The following ZNF469 variants were observed in gnomAD, a reference collection of about 807,000 sequenced individuals.
ZNF469 encodes the protein zinc finger protein 469.
A neutral mutation model predicts 1.0 loss-of-function variants in ZNF469; 1 was observed. The observed-to-expected ratio is 1.00, with a 90% confidence interval of 0.35 to 4.73. ZNF469 has a LOEUF of 4.73. Among genes scored for constraint, ZNF469 ranks in the 30% most tolerant of loss-of-function variants. ZNF469 has a pLI of 0.16. For missense variants in ZNF469, 6,100 were observed against 5,356.3 expected (o/e 1.14, Z -4.33); for synonymous variants, 2,703 against 2,363.4 (o/e 1.14, Z -4.17).
chr16:88,112,200 G>A, the ZNF469 span, among the ~76,000 whole-genome samples: 2 of 152,218 alleles, frequency 1.3e-5, no homozygotes, highest in South Asian at 4.1e-4. Context: ...CACTTCGGGA[G>A]GCTGAGGTGG....
chr16:88,189,136 T>G, the ZNF469 span, among the ~76,000 whole-genome samples: 1 of 152,162 alleles, frequency 6.6e-6, no homozygotes, highest in African/African-American at 2.4e-5. The surrounding 1 kb of genome is among the most constrained non-coding windows in gnomAD (Gnocchi z 4.3). Flanking sequence ...GAAGTGTAGC[T>G]CCTAACAGTC....
At chr16:88,375,448 GA>G in the ZNF469 span, among the ~76,000 whole-genome samples, 1 of 152,222 alleles carries the variant, frequency 6.6e-6, no homozygotes, top group Non-Finnish European at 1.5e-5. Flanking sequence ...TTACCAGAAC[GA>G]AATACATTAA....
the ZNF469 span, among the ~76,000 whole-genome samples, chr16:88,286,964 C>A: frequency 2.0e-5 from 3 of 152,226 alleles, no homozygotes; most frequent in African/African-American, 7.2e-5. Flanking sequence ...CATCTGACTA[C>A]AGCAGCTCAA....
At chr16:88,140,922 G>T in the ZNF469 span, among the ~76,000 whole-genome samples, 1 of 152,140 alleles carries the variant, frequency 6.6e-6, no homozygotes, top group Non-Finnish European at 1.5e-5. Flanking sequence ...GACAGAAGGA[G>T]ACTCTGTCTC....
At chr16:88,297,902 C>A in the ZNF469 span, among the ~76,000 whole-genome samples, 1 of 152,152 alleles carries the variant, frequency 6.6e-6, no homozygotes, top group Non-Finnish European at 1.5e-5. Context: ...TGGCTTTTGT[C>A]CCCAGGAGTC....
At position 88,438,083 on chromosome 16, in the gene ZNF469, T is replaced by C. The variant is rs797001563; in HGVS notation, c.10613T>C (p.Ile3538Thr). The change falls in exon 3 of 3, where the codon ATC becomes ACC. Residue 3538 changes from isoleucine to threonine, a missense_variant. Transcript: ENST00000565624. ...CCTGTAGACCCCGTGACCCACCCGA[T>C]CAGAGGTTGTGAGCTGCCATCCAAC... ...ERPVDPVTHP[I>T]RGCELPSNHQ... The C allele has an allele frequency of 4.1e-5, 63 of 1,550,218 alleles. 1 individual carries two copies. In the Admixed American group the frequency reaches 1.2e-3, roughly 29 times the overall value.
At chr16:88,404,075 TTAGAAAAACA>T (rs1432298802) in intron 1 of ZNF469, among the ~76,000 whole-genome samples, 1 of 152,222 alleles carries the variant, frequency 6.6e-6, no homozygotes, top group African/African-American at 2.4e-5. Context: ...CTGGGATCCT[TTAGAAAAACA>T]GTGATTGTTG....
intron 1 of ZNF469, among the ~76,000 whole-genome samples, chr16:88,414,143 C>T (rs890430655): frequency 6.6e-6 from 1 of 152,246 alleles, no homozygotes; most frequent in African/African-American, 2.4e-5. Flanking sequence ...CTGTCACCCT[C>T]AGGGCCTAGA....
the ZNF469 span, among the ~76,000 whole-genome samples, chr16:88,200,383 C>A: frequency 1.1e-4 from 17 of 152,324 alleles, no homozygotes; most frequent in African/African-American, 4.1e-4. Context: ...AGAAACCACA[C>A]GCTCCAATGC....
At chr16:88,364,168 G>A in the ZNF469 span, among the ~76,000 whole-genome samples, 1 of 152,130 alleles carries the variant, frequency 6.6e-6, no homozygotes, top group Non-Finnish European at 1.5e-5. Context: ...ATGTTAAGCA[G>A]GGTTCAACAT....
chr16:88,211,221 A>G, the ZNF469 span, among the ~76,000 whole-genome samples: 1 of 152,234 alleles, frequency 6.6e-6, no homozygotes, highest in Non-Finnish European at 1.5e-5. Context: ...GTTGATGTAC[A>G]CGGAGGGTAT....
chr16:88,230,731 C>G, the ZNF469 span, among the ~76,000 whole-genome samples: 1 of 59,072 alleles, frequency 1.7e-5, no homozygotes, highest in South Asian at 6.7e-4. Flanking sequence ...TCCGGGGACC[C>G]CCCCTAGAGG....
the ZNF469 span, among the ~76,000 whole-genome samples, chr16:88,353,330 C>G: frequency 1.1e-4 from 17 of 152,256 alleles, no homozygotes; most frequent in South Asian, 3.1e-3. Flanking sequence ...CCACCGATGG[C>G]TTCTGCCCTC....
At chr16:88,228,479 G>C in the ZNF469 span, among the ~76,000 whole-genome samples, 12 of 152,224 alleles carry the variant, frequency 7.9e-5, no homozygotes, top group African/African-American at 2.7e-4. Context: ...GAGAGGGCAC[G>C]GCAATGGTGG....
chr16:88,183,897 C>T, the ZNF469 span, among the ~76,000 whole-genome samples: 2 of 152,100 alleles, frequency 1.3e-5, no homozygotes, highest in Non-Finnish European at 2.9e-5. Flanking sequence ...AGAAGGCGGC[C>T]CATGGGCTTG....
chr16:88,403,683 T>C (rs1208644898), intron 1 of ZNF469, among the ~76,000 whole-genome samples: 1 of 152,248 alleles, frequency 6.6e-6, no homozygotes, highest in Non-Finnish European at 1.5e-5. Flanking sequence ...GTCTTGATCA[T>C]TGACCCTTTC....
the ZNF469 span, among the ~76,000 whole-genome samples, chr16:88,135,968 C>T: frequency 1.3e-5 from 2 of 151,882 alleles, no homozygotes; most frequent in Non-Finnish European, 2.9e-5. Context: ...ACTGTGTTAG[C>T]CAGGATGGTC....
At chr16:88,296,847 C>T in the ZNF469 span, among the ~76,000 whole-genome samples, 1 of 152,256 alleles carries the variant, frequency 6.6e-6, no homozygotes, top group South Asian at 2.1e-4. Flanking sequence ...CTCACGCACC[C>T]ACACCCCACC....
the ZNF469 span, among the ~76,000 whole-genome samples, chr16:88,116,001 T>G: frequency 5.3e-5 from 8 of 152,156 alleles, no homozygotes; most frequent in African/African-American, 1.9e-4. Context: ...AGGTGAAAAG[T>G]GTGCGCTCTG....
Sources: gnomAD v4.1 joint callset for allele counts (sites outside exome capture counted in the v4.1 genomes callset) on GRCh38, gnomAD v4.1.1 for gene constraint, Gnocchi (gnomAD v3.1) non-coding constraint, MANE v1.5 for transcripts, NCBI Gene and HGNC (gene_info 2026-07-23, HGNC 2026-07-21) for gene names.